The following CTTNBP2 variants were observed in gnomAD, a reference collection of about 807,000 sequenced individuals.
CTTNBP2 encodes cortactin binding protein 2.
In CTTNBP2, 108 loss-of-function variants were observed where a neutral mutation model predicts 156.9. The observed-to-expected ratio is 0.69, with a 90% CI of 0.59 to 0.81. The LOEUF (loss-of-function observed/expected upper bound fraction) is 0.81, where lower values mean the gene tolerates loss of function less well. CTTNBP2 is among the 30% of genes least tolerant of loss of function. The probability of loss-of-function intolerance (pLI) is 0.00; values close to 1 mark genes in which losing one functional copy is unlikely to be tolerated. For missense variants in CTTNBP2, 1,924 were observed against 2,035.4 expected, an observed-to-expected ratio of 0.95 and a Z score of 1.05; for synonymous variants, 767 against 751.8, an observed-to-expected ratio of 1.02 and a Z score of -0.33.
At chr7:117,834,419 C>T (rs1327415265) in intron 2 of CTTNBP2, among the ~76,000 whole-genome samples, 1 of 152,184 alleles carries the variant, frequency 6.6e-6, no homozygotes, top group Non-Finnish European at 1.5e-5. Flanking sequence ...ATTTGCAATA[C>T]AATACCTGCA....
intron 19 of CTTNBP2, among the ~76,000 whole-genome samples, chr7:117,723,031 A>G (rs991780973): frequency 1.3e-5 from 2 of 152,172 alleles, no homozygotes; most frequent in African/African-American, 4.8e-5. Flanking sequence ...ACAGAAAGTC[A>G]TCTGGGGGTC....
At chr7:117,858,564 T>G (rs1189189317) in intron 2 of CTTNBP2, among the ~76,000 whole-genome samples, 2 of 152,158 alleles carry the variant, frequency 1.3e-5, no homozygotes, top group Non-Finnish European at 2.9e-5. Context: ...CCAGTGGTTC[T>G]CCACAGGAGC....
chr7:117,860,977 C>T (rs1346100857), intron 2 of CTTNBP2, among the ~76,000 whole-genome samples: 6 of 152,154 alleles, frequency 3.9e-5, no homozygotes, highest in Non-Finnish European at 7.3e-5. Flanking sequence ...TCAAGTTTCC[C>T]GTACTAAACA....
Position 117,822,938 on chromosome 7 carries a change from C to T in CTTNBP2, c.190-11949G>A, listed in dbSNP as rs547998796. Among the ~76,000 whole-genome samples the T allele has an allele frequency of 3.3e-5, 5 of 152,240 alleles. No homozygotes were observed. In the South Asian group the frequency reaches 1.0e-3, roughly 32 times the overall value. On this transcript the variant is annotated intron_variant, in intron 2 of 22. Coordinates refer to ENST00000160373, the MANE Select transcript of CTTNBP2 (RefSeq NM_033427.3). ...TAATTACTGAGAGAGGTATTAAAAG[C>T]TACTATGATTATGAAATTGTCTATT...
intron 12 of CTTNBP2, among the ~76,000 whole-genome samples, chr7:117,755,101 A>C (rs1451875175): frequency 6.6e-6 from 1 of 152,182 alleles, no homozygotes; most frequent in Non-Finnish European, 1.5e-5. Context: ...CCAAGTAATG[A>C]TATACATCTC....
intron 1 of CTTNBP2, among the ~76,000 whole-genome samples, chr7:117,867,334 T>C (rs1394594995): frequency 6.6e-6 from 1 of 152,198 alleles, no homozygotes; most frequent in African/African-American, 2.4e-5. Flanking sequence ...TGAATGTCTT[T>C]CCAGACTCCA....
chr7:117,717,319 A>T (rs1172402885), intron 22 of CTTNBP2, among the ~76,000 whole-genome samples: 1 of 150,652 alleles, frequency 6.6e-6, no homozygotes, highest in Non-Finnish European at 1.5e-5. Context: ...AATAAAATTG[A>T]GATTTTTTTT....
intron 22 of CTTNBP2, among the ~76,000 whole-genome samples, chr7:117,716,397 T>C (rs1306892514): frequency 6.6e-6 from 1 of 152,130 alleles, no homozygotes; most frequent in Non-Finnish European, 1.5e-5. Context: ...GGTGGTTCAC[T>C]GTTCCTCTTG....
chr7:117,711,640 C>T lies in CTTNBP2; in HGVS notation c.4889G>A (p.Ser1630Asn). The change falls in exon 23 of 23, where the codon AGC becomes AAC. Residue 1630 changes from serine (S) to asparagine (N), a missense_variant. Coordinates refer to ENST00000160373, the MANE Select transcript of CTTNBP2 (RefSeq NM_033427.3). ...TTGCCTTGTATTACTGCTGCTGCTG[C>T]TTCTTTTGGTGTTCTGGGAACACTG... ...VTQCSQNTKR[S>N]SSSSNTRQIE... 6.2e-7 allele frequency: 1 copy of T among 1,613,956 alleles called. No homozygotes were observed.
At chr7:117,764,946 G>GT (rs1274202231) in intron 9 of CTTNBP2, among the ~76,000 whole-genome samples, 1 of 151,768 alleles carries the variant, frequency 6.6e-6, no homozygotes, top group Non-Finnish European at 1.5e-5. Flanking sequence ...GTTTTGTTTT[G>GT]TTTTTTTGAG....
intron 11 of CTTNBP2, among the ~76,000 whole-genome samples, chr7:117,757,159 C>G: frequency 6.6e-6 from 1 of 152,264 alleles, no homozygotes; most frequent in Non-Finnish European, 1.5e-5. Flanking sequence ...CTTTAAACTT[C>G]AGTAAGTCCA....
intron 16 of CTTNBP2, among the ~76,000 whole-genome samples, chr7:117,731,055 T>C (rs1795373070): frequency 1.3e-5 from 2 of 152,176 alleles, no homozygotes; most frequent in South Asian, 4.1e-4. Context: ...TTTATGTACA[T>C]GGTACAAGGC....
intron 8 of CTTNBP2, among the ~76,000 whole-genome samples, chr7:117,773,707 A>ACACACACACACACACACC (rs1234464093): frequency 7.8e-6 from 1 of 128,958 alleles, no homozygotes; most frequent in African/African-American, 3.4e-5. Context: ...ACACACACAC[A>ACACACACACACACACACC]CCCCAAAAAA....
chr7:117,719,675 A>G (rs1794671051), intron 20 of CTTNBP2, 39 bp from the exon 21 acceptor site: 1 of 1,572,510 alleles, frequency 6.4e-7, no homozygotes, highest in African/African-American at 1.4e-5. Context: ...CAAAGTGAGA[A>G]CAATTCCCAA....
chr7:117,782,760 T>C (rs183930206), intron 6 of CTTNBP2, 102 bp downstream of exon 6: 224 of 690,172 alleles, frequency 3.2e-4, no homozygotes, highest in Middle Eastern at 2.5e-3. Flanking sequence ...GCCAGTGATT[T>C]TAAGCACTAG....
intron 16 of CTTNBP2, among the ~76,000 whole-genome samples, chr7:117,729,177 G>C (rs553678336): frequency 7.2e-5 from 11 of 152,316 alleles, no homozygotes; most frequent in African/African-American, 2.6e-4. Context: ...GTTAGACATC[G>C]TAACGGAATC....
At chr7:117,783,678 C>T (rs1798550790) in intron 5 of CTTNBP2, among the ~76,000 whole-genome samples, 1 of 152,210 alleles carries the variant, frequency 6.6e-6, no homozygotes, top group African/African-American at 2.4e-5. Context: ...CTTCCATATG[C>T]AACGCTATCT....
At chr7:117,819,367 TCACACA>T (rs71529472) in intron 2 of CTTNBP2, among the ~76,000 whole-genome samples, 5,392 of 130,582 alleles carry the variant, frequency 0.041, 239 homozygotes, top group African/African-American at 0.089. Context: ...TCTCTCTCTC[TCACACA>T]CACACACACA....
At chr7:117,805,443 A>G (rs1274559668) in intron 3 of CTTNBP2, among the ~76,000 whole-genome samples, 8 of 152,310 alleles carry the variant, frequency 5.3e-5, no homozygotes, top group Non-Finnish European at 8.8e-5. Flanking sequence ...CTTCAAGCCA[A>G]TGGGCACAGC....
Sources: gnomAD v4.1 joint callset for allele counts (sites outside exome capture counted in the v4.1 genomes callset) on GRCh38, gnomAD v4.1.1 for gene constraint, MANE v1.5 for transcripts, NCBI Gene and HGNC (gene_info 2026-07-23, HGNC 2026-07-21) for gene names.